Variants in SATB2 observed in about 807,000 individuals in gnomAD.
The protein encoded by SATB2 is DNA-binding protein SATB2.
In SATB2, 1 loss-of-function variant was observed where a neutral mutation model predicts 73.4. That is an observed-to-expected ratio of 0.01 (90% CI 0.00 to 0.06). The LOEUF (loss-of-function observed/expected upper bound fraction) is 0.06, where lower values mean the gene tolerates loss of function less well. Ranked by LOEUF, SATB2 falls within the 10% of genes least tolerant of loss-of-function variation. The pLI, the probability that SATB2 is intolerant of heterozygous loss-of-function variation, is 1.00. For synonymous variants in SATB2, 397 were observed against 367.0 expected (o/e 1.08, Z -0.93); for missense variants, 459 against 945.8 (o/e 0.49, Z 6.75).
At chr2:199,470,489 G>A (rs527744591) in intron 1 of SATB2, 2 of 152,362 alleles carry the variant, frequency 1.3e-5, no homozygotes, top group East Asian at 3.8e-4. Context: ...ACTCAAAACT[G>A]CCCTCGGCCT....
At chr2:199,316,000 C>A (rs1479569838) in intron 9 of SATB2, among the ~76,000 whole-genome samples, 2 of 152,108 alleles carry the variant, frequency 1.3e-5, no homozygotes, top group African/African-American at 2.4e-5. Flanking sequence ...GCCATTTACT[C>A]ACCCACATCT....
At chr2:199,305,822 T>C (rs1450086295) in intron 10 of SATB2, among the ~76,000 whole-genome samples, 1 of 152,122 alleles carries the variant, frequency 6.6e-6, no homozygotes, top group Non-Finnish European at 1.5e-5. Context: ...AATTTGGAAA[T>C]AGTGTACCCT....
intron 2 of SATB2, among the ~76,000 whole-genome samples, chr2:199,437,681 T>C (rs1006557344): frequency 2.0e-5 from 3 of 152,226 alleles, no homozygotes; most frequent in Non-Finnish European, 2.9e-5. Flanking sequence ...ATCATAGATC[T>C]GTTGTGAAGA....
intron 1 of SATB2, among the ~76,000 whole-genome samples, chr2:199,456,391 T>C (rs949048662): frequency 3.3e-5 from 5 of 152,200 alleles, no homozygotes; most frequent in Admixed American, 3.3e-4. Flanking sequence ...GGTCCATTCA[T>C]TGGGACGGGG....
At chr2:199,365,677 C>T (rs189999503) in intron 6 of SATB2, among the ~76,000 whole-genome samples, 29 of 152,186 alleles carry the variant, frequency 1.9e-4, no homozygotes, top group Admixed American at 3.9e-4. Context: ...AAAATTTAGA[C>T]AATTCCATTT....
intron 8 of SATB2, among the ~76,000 whole-genome samples, chr2:199,327,511 A>G (rs1475993898): frequency 6.6e-6 from 1 of 152,188 alleles, no homozygotes; most frequent in Non-Finnish European, 1.5e-5. Context: ...CAGAACCTGC[A>G]ACTATCATAG....
Position 199,410,726 on chromosome 2 carries a change from T to C in SATB2, c.346+22612A>G, listed in dbSNP as rs190678983. Among the ~76,000 whole-genome samples the C allele has an allele frequency of 2.8e-4, 43 of 152,316 alleles. No individual in the cohort carries two copies. The East Asian group carries it at 7.3e-3, about 26-fold the overall frequency. On this transcript the variant is annotated intron_variant, in intron 3 of 10. Transcript: ENST00000417098. ...CAGTCTGCTCAGGGTGGTCACTCTA[T>C]TTTTTAATGCAATGTACTACACAGG...
intron 4 of SATB2, 150 bp from the exon 5 acceptor site, chr2:199,380,637 A>T: frequency 4.0e-6 from 4 of 1,004,102 alleles, no homozygotes; most frequent in Non-Finnish European, 4.5e-6. Flanking sequence ...GGGAAGTAAA[A>T]CTGCTTCTCC....
intron 7 of SATB2, among the ~76,000 whole-genome samples, chr2:199,333,015 A>G (rs183060451): frequency 8.5e-5 from 13 of 152,162 alleles, no homozygotes; most frequent in Middle Eastern, 3.4e-3. Context: ...ATTTTAACAG[A>G]TATCTGTTCT....
chr2:199,359,138 G>A (rs1185012519), intron 6 of SATB2, among the ~76,000 whole-genome samples: 4 of 152,102 alleles, frequency 2.6e-5, no homozygotes, highest in Middle Eastern at 3.2e-3. Flanking sequence ...CATTCCATGT[G>A]TATTAATTCT....
At chr2:199,450,827 T>G (rs1329895800) in intron 2 of SATB2, among the ~76,000 whole-genome samples, 1 of 152,112 alleles carries the variant, frequency 6.6e-6, no homozygotes, top group Non-Finnish European at 1.5e-5. Context: ...ACTGTAGTCT[T>G]TCCTGGAATA....
intron 3 of SATB2, among the ~76,000 whole-genome samples, chr2:199,391,432 C>CAAAAA (rs56190034): frequency 4.1e-5 from 4 of 98,636 alleles, no homozygotes; most frequent in East Asian, 3.1e-4. Flanking sequence ...GACTCCGTCT[C>CAAAAA]AAAAAAAAAA....
intron 3 of SATB2, among the ~76,000 whole-genome samples, chr2:199,407,215 G>A (rs1429818242): frequency 6.6e-6 from 1 of 150,610 alleles, no homozygotes; most frequent in Non-Finnish European, 1.5e-5. Context: ...GAACCCGGGA[G>A]GCAGAGGTTG....
At chr2:199,466,631 T>G (rs969672404), upstream of SATB2, among the ~76,000 whole-genome samples, 4 of 152,166 alleles carry the variant, frequency 2.6e-5, no homozygotes, top group African/African-American at 9.6e-5. Flanking sequence ...AAACAACCTG[T>G]GGTCTCTCCG....
At chr2:199,311,200 G>C (rs1431068092) in intron 9 of SATB2, among the ~76,000 whole-genome samples, 4 of 152,170 alleles carry the variant, frequency 2.6e-5, no homozygotes, top group Non-Finnish European at 5.9e-5. Context: ...TAAGGCACCA[G>C]AGAACTTCCT....
intron 5 of SATB2, among the ~76,000 whole-genome samples, chr2:199,374,396 G>A (rs907861054): frequency 6.6e-6 from 1 of 152,194 alleles, no homozygotes; most frequent in Non-Finnish European, 1.5e-5. Flanking sequence ...GCTACCAGGG[G>A]TCAGGATGAG....
chr2:199,386,755 CACACACACACA>C (rs1559022105), intron 3 of SATB2, among the ~76,000 whole-genome samples: 4 of 124,342 alleles, frequency 3.2e-5, no homozygotes, highest in East Asian at 2.1e-4. Flanking sequence ...CACACACACA[CACACACACACA>C]CCTTTGAGTT....
chr2:199,377,153 G>C (rs1358069463), intron 5 of SATB2, among the ~76,000 whole-genome samples: 1 of 152,120 alleles, frequency 6.6e-6, no homozygotes, highest in East Asian at 1.9e-4. Context: ...GAGGCAGATG[G>C]ATCATGAGGT....
chr2:199,313,043 T>C (rs997539973), intron 9 of SATB2, among the ~76,000 whole-genome samples: 2 of 152,166 alleles, frequency 1.3e-5, no homozygotes, highest in Non-Finnish European at 1.5e-5. Flanking sequence ...TAGACATTAG[T>C]AGAAAAACAG....
Sources: gnomAD v4.1 joint callset for allele counts (sites outside exome capture counted in the v4.1 genomes callset) on GRCh38, gnomAD v4.1.1 for gene constraint, MANE v1.5 for transcripts, NCBI Gene and HGNC (gene_info 2026-07-23, HGNC 2026-07-21) for gene names.